Variants in PTPRC observed in about 807,000 individuals in gnomAD.
PTPRC encodes receptor-type tyrosine-protein phosphatase C.
In PTPRC, 44 loss-of-function variants were observed where a neutral mutation model predicts 155.9. The observed-to-expected ratio is 0.28, with a 90% CI of 0.22 to 0.36. PTPRC has a LOEUF of 0.36. PTPRC is among the 10% of genes least tolerant of loss of function. The probability of loss-of-function intolerance (pLI) is 1.00; values close to 1 mark genes in which losing one functional copy is unlikely to be tolerated. For missense variants in PTPRC, 1,401 were observed against 1,564.6 expected (o/e 0.90, Z 1.76); for synonymous variants, 525 against 533.1 (o/e 0.98, Z 0.21).
Position 198,735,169 on chromosome 1 carries a change from C to T in PTPRC, c.2320C>T (p.Arg774Trp), listed in dbSNP as rs200672643. The change falls in exon 23 of 33, where the codon CGG (arginine) becomes TGG (tryptophan). Residue 774 changes from arginine (R) to tryptophan (W), a missense_variant. Around this residue, in one of 3 missense-constraint regions of PTPRC, gnomAD observed 867 missense variants for 970.4 expected, o/e 0.89. Transcript: ENST00000442510. Reference sequence around the variant, plus strand: ...CTGGCCGTCAATGGAAGAGGGCACTCGGGCTTTTGGAGATGTTGTTGTAAA... The same window carrying T: ...CTGGCCGTCAATGGAAGAGGGCACTTGGGCTTTTGGAGATGTTGTTGTAAA... Reference protein sequence around the residue: ...EYWPSMEEGTRAFGDVVVKIN... With the variant: ...EYWPSMEEGTWAFGDVVVKIN... The T allele has an allele frequency of 4.7e-5, 76 of 1,603,516 alleles. No individual in the cohort carries two copies. Among genetic ancestry groups the T allele is most frequent in the Non-Finnish European group, 6.1e-5 (72 of 1,173,704 alleles).
At chr1:198,691,396 C>A (rs753641407) in intron 2 of PTPRC, among the ~76,000 whole-genome samples, 4 of 152,002 alleles carry the variant, frequency 2.6e-5, no homozygotes, top group Non-Finnish European at 5.9e-5. Context: ...TACTCTTTCT[C>A]CTTTATTCTC....
intron 23 of PTPRC, among the ~76,000 whole-genome samples, chr1:198,741,335 G>A (rs1018423597): frequency 6.6e-6 from 1 of 151,824 alleles, no homozygotes; most frequent in Non-Finnish European, 1.5e-5. Flanking sequence ...TGTTGACAAT[G>A]CTACCATGTG....
intron 2 of PTPRC, among the ~76,000 whole-genome samples, chr1:198,685,717 G>C (rs1665582707): frequency 6.6e-6 from 1 of 151,936 alleles, no homozygotes. Flanking sequence ...TGTTTTAGCT[G>C]ACCCTTATTT....
intron 2 of PTPRC, chr1:198,660,688 G>A (rs191353064): frequency 1.3e-5 from 2 of 152,212 alleles, no homozygotes; most frequent in East Asian, 3.9e-4. Flanking sequence ...GGCCAACATG[G>A]ACTCTAGTTT....
At chr1:198,642,962 TTC>T (rs1662712844) in intron 2 of PTPRC, among the ~76,000 whole-genome samples, 1 of 150,838 alleles carries the variant, frequency 6.6e-6, no homozygotes, top group Non-Finnish European at 1.5e-5. Flanking sequence ...CTTTCTTTCT[TTC>T]TTTCTTTTTT....
Position 198,730,387 on chromosome 1 carries a change from C to A in PTPRC, c.1864+1216C>A, listed in dbSNP as rs114331042. On this transcript the variant is annotated intron_variant, in intron 17 of 32. Transcript: ENST00000442510. ...TTTATTCATTTGGTCATTGACTATCCTCTCCTAACTAGAATGTAAGCTTTG... is the reference window on the plus strand; with the variant it reads ...TTTATTCATTTGGTCATTGACTATCATCTCCTAACTAGAATGTAAGCTTTG... Among the ~76,000 whole-genome samples the A allele has an allele frequency of 2.8e-3, 421 of 152,198 alleles. 1 individual carries two copies. Among genetic ancestry groups the A allele is most frequent in the African/African-American group, 8.4e-3 (348 of 41,536 alleles).
chr1:198,690,324 T>G (rs1435467863), intron 2 of PTPRC, among the ~76,000 whole-genome samples: 1 of 152,016 alleles, frequency 6.6e-6, no homozygotes, highest in Non-Finnish European at 1.5e-5. Context: ...GACTGTAATT[T>G]ACAAGGAAAT....
Position 198,699,718 on chromosome 1 carries a change from T to C in PTPRC, c.439+14T>C. 6.2e-7 allele frequency: 1 copy of C among 1,614,112 alleles called. No individual in the cohort carries two copies. Among genetic ancestry groups the C allele is most frequent in the Non-Finnish European group, 8.5e-7 (1 of 1,179,990 alleles). ...ATGCTATCTCAGGTTTGCGGGTCCT[T>C]TAGACTTGTGCAAATATGAAAAGTA... On this transcript the variant is annotated intron_variant, in intron 5 of 32. Transcript: ENST00000442510.
chr1:198,639,314 T>C lies in PTPRC; in HGVS notation c.46T>C (p.Phe16Leu), dbSNP rs1662444892. Residue 16 changes from phenylalanine to leucine, a missense_variant, in exon 2 of 33, where the codon TTT (phenylalanine) becomes CTT (leucine). Around this residue, in one of 3 missense-constraint regions of PTPRC, gnomAD observed 867 missense variants for 970.4 expected, o/e 0.89. Coordinates refer to ENST00000442510, the MANE Select transcript of PTPRC (RefSeq NM_002838.5). ...TAAACTCTTGGCATTTGGCTTTGCCTTTCTGGACACAGAAGTATTTGTGAC... is the reference window on the plus strand; with the variant it reads ...TAAACTCTTGGCATTTGGCTTTGCCCTTCTGGACACAGAAGTATTTGTGAC... ...WLKLLAFGFA[F>L]LDTEVFVTGQ... 1 of 1,613,092 alleles carries C rather than the reference T, an allele frequency of 6.2e-7. No individual in the cohort carries two copies. Among genetic ancestry groups the C allele is most frequent in the African/African-American group, 1.3e-5 (1 of 74,892 alleles).
intron 2 of PTPRC, chr1:198,679,550 G>T: frequency 5.8e-6 from 1 of 171,314 alleles, no homozygotes; most frequent in Non-Finnish European, 1.3e-5. Context: ...TTACAGGAGT[G>T]AGCCACCTTG....
At chr1:198,703,596 A>G (rs1666568670) in intron 7 of PTPRC, 2 of 693,914 alleles carry the variant, frequency 2.9e-6, no homozygotes, top group East Asian at 2.8e-5. Context: ...ATCAGAAAGC[A>G]TGTGTGAGAA....
intron 2 of PTPRC, among the ~76,000 whole-genome samples, chr1:198,680,415 G>C (rs1050045776): frequency 2.0e-5 from 3 of 150,404 alleles, no homozygotes; most frequent in Non-Finnish European, 4.4e-5. Flanking sequence ...ATAGTGCCAC[G>C]GCACTCCAGC....
At chr1:198,720,085 C>G (rs1405355325) in intron 14 of PTPRC, among the ~76,000 whole-genome samples, 4 of 151,876 alleles carry the variant, frequency 2.6e-5, no homozygotes, top group Non-Finnish European at 4.4e-5. Context: ...TTGTCACATT[C>G]TAAGAGAAAA....
intron 12 of PTPRC, among the ~76,000 whole-genome samples, chr1:198,714,326 T>A (rs3767748): frequency 0.031 from 4,681 of 152,074 alleles, 192 homozygotes; most frequent in East Asian, 0.19. Context: ...ATGGCTCTTT[T>A]ATATTTTTAC....
chr1:198,683,830 G>A (rs1665470139), intron 2 of PTPRC, among the ~76,000 whole-genome samples: 1 of 151,978 alleles, frequency 6.6e-6, no homozygotes, highest in African/African-American at 2.4e-5. Context: ...CCAGAATTTT[G>A]TAAACTATGT....
intron 15 of PTPRC, among the ~76,000 whole-genome samples, chr1:198,726,206 T>C (rs1345783413): frequency 6.6e-6 from 1 of 152,234 alleles, no homozygotes; most frequent in Non-Finnish European, 1.5e-5. Context: ...ATGTTGCCTC[T>C]GATGAGGTTT....
At chr1:198,708,676 T>C (rs1200176544) in intron 10 of PTPRC, among the ~76,000 whole-genome samples, 1 of 152,216 alleles carries the variant, frequency 6.6e-6, no homozygotes, top group Non-Finnish European at 1.5e-5. Context: ...AGTTTACTTT[T>C]TCCATCCTGC....
chr1:198,752,642 G>A lies in PTPRC; in HGVS notation c.3379G>A (p.Val1127Met), dbSNP rs777075968. 2 of 1,612,866 alleles carry A rather than the reference G, an allele frequency of 1.2e-6. No individual in the cohort carries two copies. Among genetic ancestry groups the A allele is most frequent in the South Asian group, 1.1e-5 (1 of 91,068 alleles). ...CCAGTACCAATATACAAACTGGAGT[G>A]TGGAGCAGCTTCCTGCAGAACCCAA... ...VYQYQYTNWS[V>M]EQLPAEPKEL... is the part of the protein sequence containing the mutation. The change falls in exon 31 of 33, where the codon GTG becomes ATG. Residue 1127 changes from valine (V) to methionine (M), a missense_variant. Transcript: ENST00000442510.
At chr1:198,649,764 T>A (rs1056012441) in intron 2 of PTPRC, among the ~76,000 whole-genome samples, 1 of 151,936 alleles carries the variant, frequency 6.6e-6, no homozygotes, top group Non-Finnish European at 1.5e-5. Context: ...CTGTTTTAAG[T>A]GTTGACACAG....
Sources: gnomAD v4.1 joint callset for allele counts (sites outside exome capture counted in the v4.1 genomes callset) on GRCh38, gnomAD v4.1.1 for gene constraint, gnomAD v4.1.1 regional missense constraint, MANE v1.5 for transcripts, NCBI Gene and HGNC (gene_info 2026-07-23, HGNC 2026-07-21) for gene names.